The following SMPX variants were observed in gnomAD, a reference collection of about 807,000 sequenced individuals.
SMPX encodes the protein small muscle protein X-linked.
A neutral mutation model predicts 6.3 loss-of-function variants in SMPX; 2 were observed. The ratio of observed to expected loss-of-function variants is 0.32; its 90% CI spans 0.13 to 0.99. SMPX has a LOEUF of 0.99. Ranked by LOEUF, SMPX falls within the 50% of genes least tolerant of loss-of-function variation. The pLI is 0.49. For synonymous variants in SMPX, 32 were observed against 24.7 expected, an observed-to-expected ratio of 1.30 and a Z score of -0.88; for missense variants, 60 against 66.8, an observed-to-expected ratio of 0.90 and a Z score of 0.36.
At position 21,737,583 on chromosome X, in the gene SMPX, C is replaced by T. The variant is rs1569307612; in HGVS notation, c.247G>A (p.Val83Ile). The T allele has an allele frequency of 2.5e-6, 3 of 1,205,476 alleles. No homozygotes were observed. Among genetic ancestry groups the T allele is most frequent in the Non-Finnish European group, 3.4e-6 (3 of 890,064 alleles). ...IQNIKSELKY[V>I]PKAEQ ...TCCTACTACTGTTCAGCTTTGGGGACATATTTTAGTTCACTTTTAATATTC... is the reference window on the plus strand; with the variant it reads ...TCCTACTACTGTTCAGCTTTGGGGATATATTTTAGTTCACTTTTAATATTC... The change falls in exon 4 of 5, where the codon GTC becomes ATC. Residue 83 changes from valine to isoleucine, a missense_variant. Coordinates refer to ENST00000379494, the MANE Select transcript of SMPX (RefSeq NM_014332.3).
At chrX:21,725,189 C>T (rs1337958047) in intron 4 of SMPX, among the ~76,000 whole-genome samples, 2 of 111,597 alleles carry the variant, frequency 1.8e-5, no homozygotes, top group Admixed American at 1.9e-4. Flanking sequence ...GTAATCATAG[C>T]TGGAAATTAA....
chrX:21,724,970 C>T (rs919859539), intron 4 of SMPX, among the ~76,000 whole-genome samples: 1 of 111,963 alleles, frequency 8.9e-6, no homozygotes, highest in African/African-American at 3.3e-5. Flanking sequence ...TGTGATTTTG[C>T]GTATGTTATA....
At chrX:21,744,125 G>A (rs1412866783) in intron 2 of SMPX, among the ~76,000 whole-genome samples, 2 of 111,700 alleles carry the variant, frequency 1.8e-5, no homozygotes, top group Admixed American at 1.9e-4. Flanking sequence ...AGTTTGTTCT[G>A]GCTGTTGCCC....
At chrX:21,751,952 C>T (rs760749607) in intron 2 of SMPX, among the ~76,000 whole-genome samples, 5 of 111,952 alleles carry the variant, frequency 4.5e-5, no homozygotes, top group South Asian at 7.4e-4. Flanking sequence ...AAAGATAATA[C>T]GAAAATATCG....
At chrX:21,729,531 C>T (rs1387211065) in intron 4 of SMPX, among the ~76,000 whole-genome samples, 1 of 111,672 alleles carries the variant, frequency 9.0e-6, no homozygotes, top group African/African-American at 3.3e-5. Flanking sequence ...ACACCCTCCC[C>T]CCATTGAGAA....
chrX:21,711,487 A>T (rs1282306468), intron 4 of SMPX, among the ~76,000 whole-genome samples: 1 of 112,014 alleles, frequency 8.9e-6, no homozygotes, highest in Admixed American at 9.4e-5. Context: ...TTTTATACCC[A>T]GACCAAAAAT....
Position 21,754,145 on chromosome X carries a change from A to C in SMPX, c.45+101T>G. 3 of 733,572 alleles carry C rather than the reference A, an allele frequency of 4.1e-6. No homozygotes were observed. In the Admixed American group the frequency reaches 6.6e-5, roughly 16 times the overall value. 60.5% of individuals were successfully genotyped at this position (733,572 alleles called of 1,213,427 possible). A position where few individuals can be genotyped will look rare whatever the true frequency, so the allele number is the denominator to read the frequency against. On this transcript the variant is annotated intron_variant, in intron 2 of 4. Coordinates refer to ENST00000379494, the MANE Select transcript of SMPX (RefSeq NM_014332.3). ...ATTGTACCTTACAAATCTTATGAAG[A>C]ACTTAATTTTCTTCTTGAAGTTCAC...
chrX:21,742,438 ATT>A (rs1009359416), intron 3 of SMPX, among the ~76,000 whole-genome samples: 2 of 112,147 alleles, frequency 1.8e-5, no homozygotes, highest in Non-Finnish European at 3.8e-5. Flanking sequence ...AGGTGATCCT[ATT>A]TTGCAGACAC....
intron 4 of SMPX, among the ~76,000 whole-genome samples, chrX:21,728,301 A>G (rs1473029146): frequency 1.1e-5 from 1 of 88,749 alleles, no homozygotes; most frequent in African/African-American, 4.3e-5. Flanking sequence ...ATGGGCATTA[A>G]CTCTTCCTTT....
chrX:21,732,857 A>C (rs556237957), intron 4 of SMPX, among the ~76,000 whole-genome samples: 1 of 110,873 alleles, frequency 9.0e-6, no homozygotes, highest in Admixed American at 9.6e-5. Context: ...TGAGGTCATG[A>C]GTGTGGGGTC....
intron 1 of SMPX, among the ~76,000 whole-genome samples, chrX:21,756,599 G>T (rs1013562178): frequency 2.0e-4 from 23 of 112,776 alleles, no homozygotes; most frequent in African/African-American, 7.4e-4. Context: ...TCAGGGCAAA[G>T]CATACTGATG....
intron 4 of SMPX, among the ~76,000 whole-genome samples, chrX:21,734,433 A>G (rs1354622866): frequency 8.9e-6 from 1 of 111,823 alleles, no homozygotes; most frequent in African/African-American, 3.2e-5. Context: ...ATAATGCAGC[A>G]AACAAGCAGG....
At chrX:21,715,334 G>T (rs896422941) in intron 4 of SMPX, among the ~76,000 whole-genome samples, 90 of 109,922 alleles carry the variant, frequency 8.2e-4, no homozygotes, top group Non-Finnish European at 5.7e-4. Flanking sequence ...GCGCGCTGGT[G>T]GGGGGTTAAA....
intron 4 of SMPX, among the ~76,000 whole-genome samples, chrX:21,729,937 G>C (rs1484305434): frequency 1.8e-5 from 2 of 111,966 alleles, no homozygotes; most frequent in Non-Finnish European, 3.8e-5. Flanking sequence ...GGTCTAAAAC[G>C]AGAGTTTTGC....
intron 4 of SMPX, among the ~76,000 whole-genome samples, chrX:21,728,875 G>C: frequency 8.9e-6 from 1 of 112,080 alleles, no homozygotes; most frequent in Non-Finnish European, 1.9e-5. Context: ...TAATGCATGT[G>C]AGGTGCAAAA....
At chrX:21,731,430 T>C in intron 4 of SMPX, among the ~76,000 whole-genome samples, 1 of 94,314 alleles carries the variant, frequency 1.1e-5, no homozygotes, top group African/African-American at 3.8e-5. Context: ...CACACATATA[T>C]GTGTGTATGT....
At chrX:21,733,684 T>C (rs1178896226) in intron 4 of SMPX, 1 of 323,826 alleles carries the variant, frequency 3.1e-6, no homozygotes, top group African/African-American at 2.7e-5. Flanking sequence ...TTTCTTGTAA[T>C]TGATGCGTCA....
At chrX:21,739,439 T>C (rs1426787018) in intron 3 of SMPX, among the ~76,000 whole-genome samples, 1 of 112,079 alleles carries the variant, frequency 8.9e-6, no homozygotes, top group Non-Finnish European at 1.9e-5. Flanking sequence ...AACAAAATGA[T>C]AAAGTATTTC....
chrX:21,737,497 A>G (rs1602107434), intron 4 of SMPX, 52 bp downstream of exon 4: 2 of 1,080,516 alleles, frequency 1.9e-6, no homozygotes, highest in East Asian at 6.0e-5. Context: ...AGGCTTCCTT[A>G]AACCATTTTA....
Sources: allele counts gnomAD v4.1 joint callset (sites outside exome capture counted in the v4.1 genomes callset), GRCh38; gene constraint gnomAD v4.1.1; transcripts MANE v1.5; gene names NCBI Gene and HGNC (gene_info 2026-07-23, HGNC 2026-07-21).